The following DOCK10 variants were observed in gnomAD, a reference collection of about 807,000 sequenced individuals.
DOCK10 encodes dedicator of cytokinesis 10.
In DOCK10, 145 loss-of-function variants were observed where a neutral mutation model predicts 280.1. The observed-to-expected ratio is 0.52, with a 90% CI of 0.45 to 0.59. DOCK10 has a LOEUF of 0.59. Among genes scored for constraint, DOCK10 ranks in the 20% least tolerant of loss-of-function variants. The probability of loss-of-function intolerance (pLI) is 0.00; values close to 1 mark genes in which losing one functional copy is unlikely to be tolerated. For missense variants in DOCK10, 2,368 were observed against 2,651.7 expected, an observed-to-expected ratio of 0.89 and a Z score of 2.35; for synonymous variants, 915 against 942.2, an observed-to-expected ratio of 0.97 and a Z score of 0.53.
At chr2:225,014,081 A>ATATTT (rs776104946) in intron 1 of DOCK10, among the ~76,000 whole-genome samples, 52 of 96,816 alleles carry the variant, frequency 5.4e-4, no homozygotes, top group Non-Finnish European at 7.2e-4. Context: ...GTCTGAATAT[A>ATATTT]TTGTTTTTTT....
At chr2:224,950,681 T>C (rs940494094) in intron 1 of DOCK10, among the ~76,000 whole-genome samples, 1 of 152,176 alleles carries the variant, frequency 6.6e-6, no homozygotes, top group African/African-American at 2.4e-5. Flanking sequence ...ATCCAGAAGA[T>C]TGTCAAAAGG....
chr2:224,816,661 T>C lies in DOCK10; in HGVS notation c.3320A>G (p.His1107Arg), dbSNP rs768327640. 2.5e-6 allele frequency: 4 copies of C among 1,609,580 alleles called. No individual in the cohort carries two copies. The highest frequency in any genetic ancestry group is 3.4e-6 in the Non-Finnish European group (4 of 1,177,534). ...TATGGGCAGACACAAAGGGATAAAGTGTTCATGTTGACATACTTCTTGAAG... is the reference window on the plus strand; with the variant it reads ...TATGGGCAGACACAAAGGGATAAAGCGTTCATGTTGACATACTTCTTGAAG... ...DFLQEVCQHE[H>R]FIPLCLPIRS... is the part of the protein sequence containing the mutation. Residue 1107 changes from histidine (H) to arginine (R), a missense_variant, in exon 30 of 56, where the codon CAC becomes CGC. His to Arg is a conservative substitution (Grantham distance 29, BLOSUM62 0). Around this residue, in one of 2 missense-constraint regions of DOCK10, gnomAD observed 1,159 missense variants for 1,400.8 expected, o/e 0.83. Coordinates refer to ENST00000258390, the MANE Select transcript of DOCK10 (RefSeq NM_014689.3).
chr2:224,840,136 C>A (rs1486673124), intron 23 of DOCK10, 64 bp from the exon 24 acceptor site: 8 of 713,438 alleles, frequency 1.1e-5, no homozygotes, highest in South Asian at 2.1e-5. Context: ...ACATTCAAGA[C>A]CTGAAACTAT....
At chr2:224,994,840 G>A (rs780443412) in intron 1 of DOCK10, among the ~76,000 whole-genome samples, 5 of 152,178 alleles carry the variant, frequency 3.3e-5, no homozygotes, top group Non-Finnish European at 4.4e-5. Context: ...TGAAGAACAC[G>A]GTATTCCAAA....
In DOCK10 at chr2:224,816,725, G is replaced by A. The variant is rs375442229; in HGVS notation, c.3268-12C>T. On this transcript the variant is annotated splice_polypyrimidine_tract_variant and intron_variant, in intron 29 of 55. Coordinates refer to ENST00000258390, the MANE Select transcript of DOCK10 (RefSeq NM_014689.3). The stretch of plus-strand genomic sequence containing the variant: ...TACTGGCACAAGGTCTGAAAGAGAG[G>A]CAAACTAAATGACTATGACTTACAG... The A allele has an allele frequency of 7.5e-6, 11 of 1,463,734 alleles. No homozygotes were observed. Among genetic ancestry groups the A allele is most frequent in the Non-Finnish European group, 1.0e-5 (11 of 1,053,126 alleles). The allele number at this position is 1,463,734 out of a possible 1,614,324, so 90.7% of individuals were successfully genotyped here. A position where few individuals can be genotyped will look rare whatever the true frequency, so the allele number is the denominator to read the frequency against.
intron 11 of DOCK10, among the ~76,000 whole-genome samples, chr2:224,872,380 AGGAGT>A (rs1698346549): frequency 2.6e-5 from 4 of 152,232 alleles, no homozygotes; most frequent in Admixed American, 2.6e-4. Flanking sequence ...CTCCATTTAA[AGGAGT>A]GAAGACTGAC....
At position 224,787,403 on chromosome 2, in the gene DOCK10, A is replaced by T; in HGVS notation, c.5419-6T>A. The stretch of plus-strand genomic sequence containing the variant: ...AGCTGCTCCACCAGGATATTCTGCA[A>T]TTCCCCCAATCAAAATAAGATTTTA... On this transcript the variant is annotated splice_region_variant and splice_polypyrimidine_tract_variant and intron_variant, in intron 48 of 55. Coordinates refer to ENST00000258390, the MANE Select transcript of DOCK10 (RefSeq NM_014689.3). The T allele has an allele frequency of 6.2e-7, 1 of 1,613,474 alleles. No homozygotes were observed. Among genetic ancestry groups the T allele is most frequent in the African/African-American group, 1.3e-5 (1 of 75,036 alleles).
At chr2:225,033,468 C>T (rs1490694381) in intron 1 of DOCK10, among the ~76,000 whole-genome samples, 1 of 152,188 alleles carries the variant, frequency 6.6e-6, no homozygotes, top group Non-Finnish European at 1.5e-5. Context: ...CAGGTGTGAG[C>T]CACTGTGCCC....
At chr2:225,026,472 G>A (rs1013713699) in intron 1 of DOCK10, among the ~76,000 whole-genome samples, 2 of 152,208 alleles carry the variant, frequency 1.3e-5, no homozygotes, top group Non-Finnish European at 2.9e-5. Flanking sequence ...AAATCACTAA[G>A]GTCAGGGAGC....
intron 1 of DOCK10, among the ~76,000 whole-genome samples, chr2:225,041,752 GGGGGGCCC>G (rs370493218): frequency 9.2e-5 from 14 of 152,112 alleles, no homozygotes; most frequent in African/African-American, 3.4e-4. Flanking sequence ...AGTTAACGTC[GGGGGGCCC>G]CAGCTCTAAC....
intron 55 of DOCK10, among the ~76,000 whole-genome samples, chr2:224,766,307 T>C (rs1028356747): frequency 1.3e-5 from 2 of 152,178 alleles, no homozygotes; most frequent in African/African-American, 4.8e-5. Context: ...ATTCAAACAA[T>C]GACGTGTAAG....
intron 55 of DOCK10, among the ~76,000 whole-genome samples, chr2:224,769,558 G>A (rs571908209): frequency 6.6e-6 from 1 of 152,336 alleles, no homozygotes; most frequent in Non-Finnish European, 1.5e-5. Flanking sequence ...TAGGAAGTAG[G>A]CCAGGAAGCA....
At chr2:225,018,109 C>T (rs887744263) in intron 1 of DOCK10, among the ~76,000 whole-genome samples, 28 of 152,100 alleles carry the variant, frequency 1.8e-4, no homozygotes, top group Admixed American at 1.2e-3. Flanking sequence ...ACCAATGTGA[C>T]GACTCACTTT....
At chr2:224,978,432 C>CG (rs1319857042) in intron 1 of DOCK10, among the ~76,000 whole-genome samples, 4 of 150,512 alleles carry the variant, frequency 2.7e-5, no homozygotes, top group Non-Finnish European at 5.9e-5. Context: ...GACTCCGTCT[C>CG]GGAAAAAAAA....
intron 15 of DOCK10, among the ~76,000 whole-genome samples, chr2:224,855,934 T>C (rs1267364824): frequency 6.6e-6 from 1 of 152,252 alleles, no homozygotes; most frequent in African/African-American, 2.4e-5. Flanking sequence ...CACCACTTTC[T>C]GATTATTTTA....
At position 224,916,680 on chromosome 2, in the gene DOCK10, A is replaced by T; in HGVS notation, c.333+15T>A. 1 of 1,585,100 alleles carries T rather than the reference A, an allele frequency of 6.3e-7. No individual in the cohort carries two copies. Among genetic ancestry groups the T allele is most frequent in the Non-Finnish European group, 8.6e-7 (1 of 1,159,738 alleles). On this transcript the variant is annotated intron_variant, in intron 3 of 55. Coordinates refer to ENST00000258390, the MANE Select transcript of DOCK10 (RefSeq NM_014689.3). ...CAAAAGCCTTAAAATAAAGCATTGG[A>T]AGCATCACATTTACCTCCTTAACCA...
Position 224,773,435 on chromosome 2 carries a change from AT to A in DOCK10, c.6014-89del, listed in dbSNP as rs575210013. ...CTGAAGGACCAGAGGATCATGTATC[AT>A]TTCACGGCACATGGCACCTTCCATT... is the stretch of plus-strand genomic sequence containing the variant. On this transcript the variant is annotated intron_variant, in intron 52 of 55. Coordinates refer to ENST00000258390, the MANE Select transcript of DOCK10 (RefSeq NM_014689.3). 1,214 of 1,195,612 alleles carry A rather than the reference AT, an allele frequency of 1.0e-3. 12 individuals are homozygous for A. The African/African-American group carries it at 0.016, about 16-fold the overall frequency. 74.1% of individuals were successfully genotyped at this position (1,195,612 alleles called of 1,614,324 possible). A position where few individuals can be genotyped will look rare whatever the true frequency, so the allele number is the denominator to read the frequency against.
At chr2:224,834,328 T>C in intron 25 of DOCK10, 65 bp from the exon 26 acceptor site, 2 of 933,330 alleles carry the variant, frequency 2.1e-6, no homozygotes, top group Admixed American at 3.9e-5. Flanking sequence ...AAAAACTATG[T>C]CATGTGAATA....
intron 27 of DOCK10, among the ~76,000 whole-genome samples, chr2:224,826,739 TTATCTATCTATCTATC>T (rs3083079): frequency 0.014 from 2,075 of 145,278 alleles, 23 homozygotes; most frequent in African/African-American, 0.02. Flanking sequence ...ATATATATAA[TTATCTATCTATCTATC>T]TATCTATCTA....
Sources: allele counts gnomAD v4.1 joint callset (sites outside exome capture counted in the v4.1 genomes callset), GRCh38; gene constraint gnomAD v4.1.1; regional missense constraint gnomAD v4.1.1; transcripts MANE v1.5; gene names NCBI Gene and HGNC (gene_info 2026-07-23, HGNC 2026-07-21).